The following ETS1 variants were observed in gnomAD, a reference collection of about 807,000 sequenced individuals.
ETS1 encodes the protein ETS proto-oncogene 1, transcription factor, also known as protein C-ets-1.
Under a neutral mutation model 58.6 loss-of-function variants are expected in ETS1, and 15 were observed. The ratio of observed to expected loss-of-function variants is 0.26; its 90% CI spans 0.17 to 0.39. The LOEUF is 0.39. Among genes scored for constraint, ETS1 ranks in the 10% least tolerant of loss-of-function variants. ETS1 has a pLI of 1.00. For synonymous variants in ETS1, 214 were observed against 218.2 expected (o/e 0.98, Z 0.17); for missense variants, 417 against 610.5 (o/e 0.68, Z 3.34).
At chr11:128,514,982 T>C (rs1286302602) in intron 3 of ETS1, among the ~76,000 whole-genome samples, 1 of 152,212 alleles carries the variant, frequency 6.6e-6, no homozygotes, top group Admixed American at 6.5e-5. Flanking sequence ...CTTGTCTTTT[T>C]TTAATTCAAA....
At chr11:128,560,821 G>A (rs1429714873) in intron 2 of ETS1, among the ~76,000 whole-genome samples, 2 of 152,174 alleles carry the variant, frequency 1.3e-5, no homozygotes, top group Non-Finnish European at 2.9e-5. Context: ...AAATTACAGT[G>A]AGGGATGGGA....
chr11:128,558,401 T>A (rs935067203), intron 2 of ETS1, among the ~76,000 whole-genome samples: 1 of 152,152 alleles, frequency 6.6e-6, no homozygotes, highest in Non-Finnish European at 1.5e-5. Context: ...TCCCAGCACT[T>A]CGGGAGGCCG....
At chr11:128,552,140 T>C (rs1028342392) in intron 3 of ETS1, among the ~76,000 whole-genome samples, 1 of 152,072 alleles carries the variant, frequency 6.6e-6, no homozygotes, top group Non-Finnish European at 1.5e-5. Context: ...GGAGAATCAT[T>C]GGTATAGATC....
At chr11:128,491,384 T>A (rs1452507975) in intron 3 of ETS1, among the ~76,000 whole-genome samples, 2 of 152,124 alleles carry the variant, frequency 1.3e-5, no homozygotes, top group African/African-American at 4.8e-5. Flanking sequence ...GCAATGTCAA[T>A]AAGGGCTTCA....
chr11:128,540,244 C>T (rs893656433), intron 3 of ETS1, among the ~76,000 whole-genome samples: 1 of 143,834 alleles, frequency 7.0e-6, no homozygotes, highest in Non-Finnish European at 1.5e-5. Context: ...ACCCAGGAGG[C>T]GGACGGAGGA....
At chr11:128,468,955 T>C (rs1862113168) in intron 8 of ETS1, among the ~76,000 whole-genome samples, 2 of 152,230 alleles carry the variant, frequency 1.3e-5, no homozygotes, top group African/African-American at 4.8e-5. Flanking sequence ...TATGATAGCT[T>C]GTCTTCAGCA....
chr11:128,585,153 AAAG>A lies in ETS1; in HGVS notation c.-15+2332_-15+2334del, dbSNP rs1233703574. Among the ~76,000 whole-genome samples, 10 of 45,632 alleles carry A rather than the reference AAAG, an allele frequency of 2.2e-4. 1 individual carries two copies. Among genetic ancestry groups the A allele is most frequent in the African/African-American group, 7.1e-4 (6 of 8,428 alleles). The allele number at this position is 45,632 out of a possible 152,430, so 29.9% of individuals were successfully genotyped here. A position where few individuals can be genotyped will look rare whatever the true frequency, so the allele number is the denominator to read the frequency against. ...AAAGAAAGAAAAGAAAGAAAGAAAG[AAAG>A]AAAGAAAGAAAGAGAAAGAAAGAAA... On this transcript the variant is annotated intron_variant, in intron 1 of 9. Transcript: ENST00000392668.
At chr11:128,472,935 C>T (rs1862225835) in intron 8 of ETS1, among the ~76,000 whole-genome samples, 1 of 152,076 alleles carries the variant, frequency 6.6e-6, no homozygotes, top group African/African-American at 2.4e-5. Context: ...CTCAAACTAA[C>T]ACAGTATTTT....
At chr11:128,560,669 T>C (rs922450694) in intron 2 of ETS1, among the ~76,000 whole-genome samples, 3 of 152,238 alleles carry the variant, frequency 2.0e-5, no homozygotes, top group African/African-American at 7.2e-5. Context: ...TAATAGGTAC[T>C]TAATGAATTA....
chr11:128,471,693 G>A (rs1224257106), intron 8 of ETS1, among the ~76,000 whole-genome samples: 3 of 152,124 alleles, frequency 2.0e-5, no homozygotes, highest in Non-Finnish European at 4.4e-5. Flanking sequence ...TAAGAATTTT[G>A]TTATAAACCA....
chr11:128,571,752 C>G (rs1864638641), intron 2 of ETS1: 1 of 151,592 alleles, frequency 6.6e-6, no homozygotes. Flanking sequence ...ATATAATAAA[C>G]TTATTTGCGA....
chr11:128,544,338 CTAAT>C (rs1591653024), intron 3 of ETS1, among the ~76,000 whole-genome samples: 1 of 72,020 alleles, frequency 1.4e-5, no homozygotes, highest in East Asian at 3.6e-4. Flanking sequence ...TAATTGTTTA[CTAAT>C]ATATATATAT....
intron 3 of ETS1, among the ~76,000 whole-genome samples, chr11:128,493,237 C>T (rs12276570): frequency 0.01 from 1,565 of 152,270 alleles, 28 homozygotes; most frequent in African/African-American, 0.036. Flanking sequence ...CAGCCAAGGA[C>T]GACAGCAGAA....
At position 128,549,008 on chromosome 11, in the gene ETS1, G is replaced by A. The variant is rs1261551381; in HGVS notation, c.214+7283C>T. ...TTTTGGGAGGATTGCAGGGGAGGAA[G>A]GCGGGGTGGGGTTAGGGACCGGGAG... On this transcript the variant is annotated intron_variant, in intron 3 of 9. Transcript: ENST00000392668. The surrounding 1 kb of genome is among the most constrained non-coding windows in gnomAD (Gnocchi z 4.3). 6.6e-6 allele frequency among the ~76,000 whole-genome samples: 1 copy of A among 152,122 alleles called. No homozygotes were observed. The highest frequency in any genetic ancestry group is 1.5e-5 in the Non-Finnish European group (1 of 68,006).
At chr11:128,482,124 A>C (rs756292283) in intron 7 of ETS1, among the ~76,000 whole-genome samples, 1 of 152,182 alleles carries the variant, frequency 6.6e-6, no homozygotes, top group Non-Finnish European at 1.5e-5. Flanking sequence ...ATTCTTAAAA[A>C]TTCTTTCCCA....
chr11:128,569,156 A>G (rs1182056790), intron 2 of ETS1, among the ~76,000 whole-genome samples: 1 of 152,024 alleles, frequency 6.6e-6, no homozygotes, highest in African/African-American at 2.4e-5. Flanking sequence ...CCTGGCTTCT[A>G]CTCTGATGCC....
intron 2 of ETS1, among the ~76,000 whole-genome samples, chr11:128,567,398 T>C (rs1053718166): frequency 6.6e-6 from 1 of 152,246 alleles, no homozygotes; most frequent in Non-Finnish European, 1.5e-5. Flanking sequence ...TATTTTATTC[T>C]GTATAGTGAA....
At position 128,524,130 on chromosome 11, in the gene ETS1, T is replaced by C. The variant is rs77261414; in HGVS notation, c.214+32161A>G. Among the ~76,000 whole-genome samples, 23 of 152,310 alleles carry C rather than the reference T, an allele frequency of 1.5e-4. No homozygotes were observed. In the East Asian group the frequency reaches 4.4e-3, roughly 29 times the overall value. ...CTCCTTTCTCTCTTCCCCAGTTTGCTCCTCAACTTTCTTCCCCAGACTAGC... is the reference window on the plus strand; with the variant it reads ...CTCCTTTCTCTCTTCCCCAGTTTGCCCCTCAACTTTCTTCCCCAGACTAGC... On this transcript the variant is annotated intron_variant, in intron 3 of 9. Coordinates refer to ENST00000392668, the MANE Select transcript of ETS1 (RefSeq NM_001143820.2).
intron 3 of ETS1, among the ~76,000 whole-genome samples, chr11:128,541,204 C>T (rs941408903): frequency 1.3e-5 from 2 of 152,148 alleles, no homozygotes; most frequent in African/African-American, 4.8e-5. Context: ...AGCCAGGTTG[C>T]GTGATGTTCC....
Sources: allele counts gnomAD v4.1 joint callset (sites outside exome capture counted in the v4.1 genomes callset), GRCh38; gene constraint gnomAD v4.1.1; non-coding constraint Gnocchi (gnomAD v3.1); transcripts MANE v1.5; gene names NCBI Gene and HGNC (gene_info 2026-07-23, HGNC 2026-07-21).